LRRC53: variants seen among roughly 807,000 people sequenced by gnomAD.
LRRC53 encodes leucine-rich repeat-containing protein 53.
A neutral mutation model predicts 13.6 loss-of-function variants in LRRC53; 25 were observed. The ratio of observed to expected loss-of-function variants is 1.83; its 90% CI spans 1.34 to 2.56. The LOEUF (loss-of-function observed/expected upper bound fraction) is 2.56, where lower values mean the gene tolerates loss of function less well. Among genes scored for constraint, LRRC53 ranks in the 30% most tolerant of loss-of-function variants. LRRC53 has a pLI of 0.00. For missense variants in LRRC53, 527 were observed against 275.8 expected, an observed-to-expected ratio of 1.91 and a Z score of -6.45; for synonymous variants, 204 against 109.8, an observed-to-expected ratio of 1.86 and a Z score of -5.37.
At chr1:74,484,553 T>C (rs1224869346) in intron 1 of LRRC53, among the ~76,000 whole-genome samples, 2 of 152,166 alleles carry the variant, frequency 1.3e-5, no homozygotes, top group Non-Finnish European at 2.9e-5. Flanking sequence ...GGGCTCTAAA[T>C]ATGGCAAACA....
At chr1:74,503,363 GAA>G (rs1669731489) in intron 1 of LRRC53, among the ~76,000 whole-genome samples, 1 of 152,272 alleles carries the variant, frequency 6.6e-6, no homozygotes, top group South Asian at 2.1e-4. Context: ...CTTATTCAAA[GAA>G]TGCTGATTTG....
chr1:74,511,762 C>T (rs1375735532), intron 1 of LRRC53, among the ~76,000 whole-genome samples: 1 of 151,784 alleles, frequency 6.6e-6, no homozygotes, highest in Non-Finnish European at 1.5e-5. Context: ...GGTAGGCTTC[C>T]CAAAAGCCAT....
the LRRC53 span, among the ~76,000 whole-genome samples, chr1:74,530,807 G>A: frequency 6.6e-6 from 1 of 151,582 alleles, no homozygotes; most frequent in Non-Finnish European, 1.5e-5. Flanking sequence ...CTCAGTTTTA[G>A]CAGTCAAGGC....
chr1:74,527,460 A>G, the LRRC53 span, among the ~76,000 whole-genome samples: 2 of 152,256 alleles, frequency 1.3e-5, no homozygotes, highest in Non-Finnish European at 2.9e-5. Context: ...AGTCTGCCGT[A>G]AGGAGACTCT....
rs748280913 is a variant in LRRC53, at chr1:74,489,188, G to A, written c.-26-5813C>T. ...AAAAAAGTTCTTTTTTCTATTTACA[G>A]GGAAGACCCGAATTTTCTGAAGTTG... On this transcript the variant is annotated intron_variant, in intron 1 of 4. Transcript: ENST00000294635. 4.3e-6 allele frequency: 7 copies of A among 1,610,028 alleles called. No homozygotes were observed. The highest frequency in any genetic ancestry group is 5.9e-6 in the Non-Finnish European group (7 of 1,178,356).
At chr1:74,512,290 G>A (rs58737338) in intron 1 of LRRC53, among the ~76,000 whole-genome samples, 1,879 of 152,292 alleles carry the variant, frequency 0.012, 35 homozygotes, top group African/African-American at 0.042. Flanking sequence ...CATAGACACA[G>A]TAGAGCTCCA....
chr1:74,523,968 C>A, the LRRC53 span, among the ~76,000 whole-genome samples: 5 of 152,108 alleles, frequency 3.3e-5, no homozygotes, highest in Non-Finnish European at 5.9e-5. Flanking sequence ...ATTCCACTCC[C>A]TGTGCCCATA....
the LRRC53 span, among the ~76,000 whole-genome samples, chr1:74,522,012 G>C: frequency 6.6e-6 from 1 of 152,198 alleles, no homozygotes; most frequent in Non-Finnish European, 1.5e-5. Flanking sequence ...AGATGAGGGA[G>C]ATATATCAAC....
chr1:74,508,538 A>G (rs569362115), intron 1 of LRRC53, among the ~76,000 whole-genome samples: 2 of 152,324 alleles, frequency 1.3e-5, no homozygotes, highest in African/African-American at 4.8e-5. Context: ...TCCACAAAAG[A>G]CAGAGAGAAA....
chr1:74,497,624 C>T lies in LRRC53; in HGVS notation c.-26-14249G>A, dbSNP rs552763339. Among the ~76,000 whole-genome samples, 21 of 151,496 alleles carry T rather than the reference C, an allele frequency of 1.4e-4. No homozygotes were observed. The South Asian group carries it at 4.2e-3, about 30-fold the overall frequency. ...CACATCTACACACACATACATTCCT[C>T]CACACACACAATTGAACCCCAGATC... On this transcript the variant is annotated intron_variant, in intron 1 of 4. Transcript: ENST00000294635.
chr1:74,484,231 A>G (rs1319288652), intron 1 of LRRC53, among the ~76,000 whole-genome samples: 1 of 150,614 alleles, frequency 6.6e-6, no homozygotes, highest in East Asian at 1.9e-4. Context: ...AAAAACAAGG[A>G]GCAAATTATA....
At chr1:74,513,487 T>C (rs567645349), upstream of LRRC53, among the ~76,000 whole-genome samples, 28 of 152,326 alleles carry the variant, frequency 1.8e-4, no homozygotes, top group Middle Eastern at 3.4e-3. Context: ...GCAGAGAACT[T>C]TGCATTCTCA....
chr1:74,528,733 T>C, the LRRC53 span, among the ~76,000 whole-genome samples: 14 of 152,196 alleles, frequency 9.2e-5, no homozygotes, highest in African/African-American at 3.4e-4. Context: ...TGTATGCTCA[T>C]GCATATGCTC....
At chr1:74,508,559 A>G (rs1289777643) in intron 1 of LRRC53, among the ~76,000 whole-genome samples, 2 of 152,232 alleles carry the variant, frequency 1.3e-5, no homozygotes, top group Non-Finnish European at 2.9e-5. Flanking sequence ...AGGGTTAAAA[A>G]ATAGCCCACA....
At chr1:74,528,350 T>C in the LRRC53 span, among the ~76,000 whole-genome samples, 2 of 152,022 alleles carry the variant, frequency 1.3e-5, no homozygotes, top group African/African-American at 4.8e-5. Flanking sequence ...GATCCCCAGG[T>C]AAGTGAGGAG....
At chr1:74,533,589 G>T in the LRRC53 span, among the ~76,000 whole-genome samples, 1 of 152,082 alleles carries the variant, frequency 6.6e-6, no homozygotes, top group Non-Finnish European at 1.5e-5. Flanking sequence ...TATAAATCAT[G>T]CTGCTATAAA....
At chr1:74,492,277 A>G (rs746377929) in intron 1 of LRRC53, 2 of 1,491,984 alleles carry the variant, frequency 1.3e-6, no homozygotes, top group Non-Finnish European at 1.8e-6. Context: ...GTGAGTGGTA[A>G]TATAAGCAAA....
the LRRC53 span, among the ~76,000 whole-genome samples, chr1:74,517,752 C>T: frequency 5.7e-4 from 87 of 152,262 alleles, no homozygotes; most frequent in African/African-American, 1.9e-3. Context: ...CTTAGTTCAT[C>T]GTCTCAATCA....
At chr1:74,530,245 GA>G in the LRRC53 span, among the ~76,000 whole-genome samples, 5 of 152,126 alleles carry the variant, frequency 3.3e-5, no homozygotes, top group African/African-American at 1.2e-4. Context: ...AAAAGCCATG[GA>G]AAAAGGAAGA....
Sources: gnomAD v4.1 joint callset for allele counts (sites outside exome capture counted in the v4.1 genomes callset) on GRCh38, gnomAD v4.1.1 for gene constraint, MANE v1.5 for transcripts, NCBI Gene and HGNC (gene_info 2026-07-23, HGNC 2026-07-21) for gene names.